The following ST6GALNAC3 variants were observed in gnomAD, a reference collection of about 807,000 sequenced individuals.
The protein encoded by ST6GALNAC3 is alpha-N-acetylgalactosaminide alpha-2,6-sialyltransferase 3.
In ST6GALNAC3, 25 loss-of-function variants were observed where a neutral mutation model predicts 32.7. The observed-to-expected ratio is 0.76, with a 90% CI of 0.56 to 1.07. The LOEUF is 1.07. Ranked by LOEUF, ST6GALNAC3 falls within the 50% of genes least tolerant of loss-of-function variation. ST6GALNAC3 has a pLI of 0.00. For missense variants in ST6GALNAC3, 355 were observed against 382.4 expected, an observed-to-expected ratio of 0.93 and a Z score of 0.60; for synonymous variants, 129 against 133.1, an observed-to-expected ratio of 0.97 and a Z score of 0.21.
intron 2 of ST6GALNAC3, among the ~76,000 whole-genome samples, chr1:76,379,594 C>T (rs1313374971): frequency 6.6e-6 from 1 of 152,096 alleles, no homozygotes; most frequent in East Asian, 1.9e-4. Context: ...ACTGAGCCTG[C>T]ACTGGAGGAA....
At chr1:76,334,746 A>G (rs148818448) in intron 2 of ST6GALNAC3, among the ~76,000 whole-genome samples, 1 of 152,350 alleles carries the variant, frequency 6.6e-6, no homozygotes, top group African/African-American at 2.4e-5. Context: ...AATTTAGAAA[A>G]GCAATTTTTA....
chr1:76,486,982 T>C (rs1241188087), intron 3 of ST6GALNAC3, among the ~76,000 whole-genome samples: 1 of 152,208 alleles, frequency 6.6e-6, no homozygotes, highest in East Asian at 1.9e-4. Flanking sequence ...CCTTCATTTG[T>C]GAAGCTTAGT....
At chr1:76,505,781 A>G (rs1294015442) in intron 3 of ST6GALNAC3, among the ~76,000 whole-genome samples, 1 of 152,178 alleles carries the variant, frequency 6.6e-6, no homozygotes, top group African/African-American at 2.4e-5. Context: ...ACTATCATGA[A>G]TCTTTCACCT....
rs1341986545 is a variant in ST6GALNAC3, at chr1:76,525,789, GTGTATATATATATA to G, written c.624-101661_624-101648del. ...TGTGTGTTTGTGTGTGTGTGTGTGT[GTGTATATATATATA>G]TATATATATATATATATATATATAT... On this transcript the variant is annotated intron_variant, in intron 3 of 4. Transcript: ENST00000328299. Among the ~76,000 whole-genome samples, 178 of 58,938 alleles carry G rather than the reference GTGTATATATATATA, an allele frequency of 3.0e-3. 1 individual carries two copies. The highest frequency in any genetic ancestry group is 7.6e-3 in the Middle Eastern group (1 of 132). The allele number at this position is 58,938 out of a possible 152,430, so 38.7% of individuals were successfully genotyped here. A position where few individuals can be genotyped will look rare whatever the true frequency, so the allele number is the denominator to read the frequency against.
At chr1:76,287,761 T>C (rs1221028949) in intron 1 of ST6GALNAC3, among the ~76,000 whole-genome samples, 1 of 152,242 alleles carries the variant, frequency 6.6e-6, no homozygotes, top group Non-Finnish European at 1.5e-5. Context: ...GTTCTTCACA[T>C]TATCCAGAGC....
intron 1 of ST6GALNAC3, among the ~76,000 whole-genome samples, chr1:76,173,399 C>T (rs1652649670): frequency 6.6e-6 from 1 of 152,172 alleles, no homozygotes. Context: ...AAAACCTAGG[C>T]AGTACTATTC....
intron 3 of ST6GALNAC3, among the ~76,000 whole-genome samples, chr1:76,613,664 C>T (rs972133451): frequency 1.3e-5 from 2 of 152,202 alleles, no homozygotes; most frequent in Non-Finnish European, 2.9e-5. Context: ...TGAGTTCTCA[C>T]AAGACCTGGT....
chr1:76,495,853 TG>T (rs1489936416), intron 3 of ST6GALNAC3, among the ~76,000 whole-genome samples: 1 of 152,188 alleles, frequency 6.6e-6, no homozygotes, highest in African/African-American at 2.4e-5. Context: ...GAAGATGTTT[TG>T]TTACTTGAGG....
intron 1 of ST6GALNAC3, among the ~76,000 whole-genome samples, chr1:76,187,110 A>G (rs1049296204): frequency 1.3e-5 from 2 of 152,158 alleles, no homozygotes; most frequent in Non-Finnish European, 2.9e-5. Flanking sequence ...AGGAAATTAC[A>G]GTTTTCCTTC....
chr1:76,521,630 G>A (rs1339532247), intron 3 of ST6GALNAC3, among the ~76,000 whole-genome samples: 1 of 152,048 alleles, frequency 6.6e-6, no homozygotes, highest in Non-Finnish European at 1.5e-5. Flanking sequence ...AGAAGAAGTT[G>A]ACTTAATATT....
chr1:76,192,940 C>A (rs975338868), intron 1 of ST6GALNAC3, among the ~76,000 whole-genome samples: 3 of 151,998 alleles, frequency 2.0e-5, no homozygotes, highest in African/African-American at 7.3e-5. Context: ...CTTTTTTGCC[C>A]AGAAAGGTCA....
chr1:76,447,583 C>G (rs1657069301), intron 3 of ST6GALNAC3, among the ~76,000 whole-genome samples: 1 of 152,116 alleles, frequency 6.6e-6, no homozygotes, highest in African/African-American at 2.4e-5. Flanking sequence ...GGCCCAGTAC[C>G]CTAGGAGGAG....
At position 76,178,080 on chromosome 1, in the gene ST6GALNAC3, A is replaced by G. The variant is rs189578940; in HGVS notation, c.18+103196A>G. ...AATTGTCATAATTATTTAATGTCAA[A>G]CCTATGGAGTGTTATGAGGCTGTAA... On this transcript the variant is annotated intron_variant, in intron 1 of 4. Coordinates refer to ENST00000328299, the MANE Select transcript of ST6GALNAC3 (RefSeq NM_152996.4). 2.6e-3 allele frequency among the ~76,000 whole-genome samples: 403 copies of G among 152,348 alleles called. 5 individuals are homozygous for G. The highest frequency in any genetic ancestry group is 7.7e-4 in the East Asian group (4 of 5,190).
At chr1:76,413,411 T>C (rs562026580) in intron 3 of ST6GALNAC3, among the ~76,000 whole-genome samples, 2 of 152,322 alleles carry the variant, frequency 1.3e-5, no homozygotes, top group South Asian at 4.1e-4. Flanking sequence ...GTTCCAATAT[T>C]AGCATTCCAA....
intron 1 of ST6GALNAC3, among the ~76,000 whole-genome samples, chr1:76,246,428 A>T (rs1171626190): frequency 1.3e-5 from 2 of 152,064 alleles, no homozygotes; most frequent in South Asian, 4.2e-4. Context: ...TAGTATTTTT[A>T]TGTGTGAATT....
intron 3 of ST6GALNAC3, among the ~76,000 whole-genome samples, chr1:76,421,455 T>C (rs1655023648): frequency 6.6e-6 from 1 of 152,072 alleles, no homozygotes; most frequent in Non-Finnish European, 1.5e-5. Context: ...CACTCACAAT[T>C]CTGTTAGCTG....
At chr1:76,290,141 G>A (rs966477383) in intron 1 of ST6GALNAC3, among the ~76,000 whole-genome samples, 4 of 152,150 alleles carry the variant, frequency 2.6e-5, no homozygotes, top group Non-Finnish European at 5.9e-5. Context: ...AAGTAAAAAT[G>A]CCCCATGAGC....
intron 2 of ST6GALNAC3, among the ~76,000 whole-genome samples, chr1:76,378,911 T>C (rs1302198345): frequency 6.6e-6 from 1 of 152,128 alleles, no homozygotes; most frequent in Non-Finnish European, 1.5e-5. Flanking sequence ...GAATGTTTTC[T>C]TTTGAGATGG....
intron 3 of ST6GALNAC3, among the ~76,000 whole-genome samples, chr1:76,530,914 G>A (rs911574911): frequency 1.9e-4 from 29 of 152,204 alleles, no homozygotes; most frequent in Non-Finnish European, 3.7e-4. Context: ...ATTAATGAAA[G>A]GGGCAGAGAA....
Sources: gnomAD v4.1 joint callset for allele counts (sites outside exome capture counted in the v4.1 genomes callset) on GRCh38, gnomAD v4.1.1 for gene constraint, MANE v1.5 for transcripts, NCBI Gene and HGNC (gene_info 2026-07-23, HGNC 2026-07-21) for gene names.